SPTBN1: variants seen among roughly 807,000 people sequenced by gnomAD.
SPTBN1 encodes spectrin beta, non-erythrocytic 1.
SPTBN1 carries 32 observed loss-of-function variants against 266.4 expected under a neutral mutation model. The ratio of observed to expected loss-of-function variants is 0.12; its 90% CI spans 0.09 to 0.16. The LOEUF is 0.16. SPTBN1 is among the 10% of genes least tolerant of loss of function. The probability of loss-of-function intolerance (pLI) is 1.00; values close to 1 mark genes in which losing one functional copy is unlikely to be tolerated. For missense variants in SPTBN1, 2,296 were observed against 3,067.1 expected (o/e 0.75, Z 5.94); for synonymous variants, 1,336 against 1,162.2 (o/e 1.15, Z -3.04).
chr2:54,524,937 G>T (rs1393782569), intron 1 of SPTBN1, among the ~76,000 whole-genome samples: 2 of 139,080 alleles, frequency 1.4e-5, no homozygotes, highest in African/African-American at 2.7e-5. Context: ...ATAGTCACAT[G>T]ACTCTGCTGT....
intron 1 of SPTBN1, among the ~76,000 whole-genome samples, chr2:54,481,313 C>G (rs984025763): frequency 6.6e-6 from 1 of 152,024 alleles, no homozygotes; most frequent in African/African-American, 2.4e-5. Context: ...CTTTGGAACT[C>G]TATCAGCAGT....
intron 2 of SPTBN1, among the ~76,000 whole-genome samples, chr2:54,551,538 C>T (rs1573394179): frequency 6.6e-6 from 1 of 152,232 alleles, no homozygotes; most frequent in African/African-American, 2.4e-5. Flanking sequence ...ATTCATTCCC[C>T]AGGACCTTGG....
intron 32 of SPTBN1, chr2:54,663,303 T>C (rs979353775): frequency 6.6e-6 from 1 of 152,216 alleles, no homozygotes; most frequent in African/African-American, 2.4e-5. Flanking sequence ...GAGCGTGCCA[T>C]TGACTTCTCC....
chr2:54,512,503 AG>A (rs1031268542), intron 1 of SPTBN1, among the ~76,000 whole-genome samples: 2 of 152,226 alleles, frequency 1.3e-5, no homozygotes, highest in Non-Finnish European at 2.9e-5. Context: ...GGACCTATTT[AG>A]GATATTTTAC....
At chr2:54,642,521 A>C (rs1208018786) in intron 18 of SPTBN1, among the ~76,000 whole-genome samples, 10 of 130,758 alleles carry the variant, frequency 7.6e-5, no homozygotes, top group African/African-American at 2.9e-4. Flanking sequence ...GGAGGTAATA[A>C]ATAAGTAGTT....
At chr2:54,483,047 C>A (rs1668178710) in intron 1 of SPTBN1, among the ~76,000 whole-genome samples, 1 of 152,086 alleles carries the variant, frequency 6.6e-6, no homozygotes, top group South Asian at 2.1e-4. Context: ...GGAGGCCGGG[C>A]CAGGGAAGAG....
intron 1 of SPTBN1, among the ~76,000 whole-genome samples, chr2:54,462,267 G>A (rs1402074660): frequency 6.6e-6 from 1 of 152,172 alleles, no homozygotes; most frequent in African/African-American, 2.4e-5. Context: ...GGTATGCTTT[G>A]CAAAAACTAC....
chr2:54,588,510 A>C (rs1675448111), intron 2 of SPTBN1, among the ~76,000 whole-genome samples: 1 of 152,116 alleles, frequency 6.6e-6, no homozygotes, highest in Admixed American at 6.5e-5. Flanking sequence ...GTGGGCTCTA[A>C]TTCTGGGTGT....
At chr2:54,630,350 ACTT>A (rs1678649337) in intron 15 of SPTBN1, among the ~76,000 whole-genome samples, 2 of 152,168 alleles carry the variant, frequency 1.3e-5, no homozygotes, top group African/African-American at 4.8e-5. Context: ...TTTTATAGTA[ACTT>A]CAGGAACAGG....
chr2:54,583,760 G>A (rs965812755), intron 2 of SPTBN1, among the ~76,000 whole-genome samples: 3 of 152,174 alleles, frequency 2.0e-5, no homozygotes, highest in Non-Finnish European at 4.4e-5. Context: ...ATTGAAGGCA[G>A]CAGTACACAT....
chr2:54,558,479 A>T lies in SPTBN1; in HGVS notation c.148+31913A>T. ...CCATATTTAAAAGTTCTGAAGTAGA[A>T]CCTGCGCCTCCTCTCTGCTTCTCCC... is the stretch of plus-strand genomic sequence containing the variant. On this transcript the variant is annotated intron_variant, in intron 2 of 35. Transcript: ENST00000356805. The surrounding 1 kb of genome is among the most constrained non-coding windows in gnomAD (Gnocchi z 4.6). The T allele has an allele frequency of 8.9e-7, 1 of 1,122,294 alleles. No homozygotes were observed. Among genetic ancestry groups the T allele is most frequent in the East Asian group, 5.4e-5 (1 of 18,382 alleles). The allele number at this position is 1,122,294 out of a possible 1,614,324, so 69.5% of individuals were successfully genotyped here.
rs780080283 is a variant in SPTBN1 at position 54,647,224 on chromosome 2, A to T, written c.4960A>T (p.Thr1654Ser). ...YAETVHQLSK[T>S]SRALVADSHP... Reference sequence around the variant, plus strand: ...AGAGACCGTGCATCAGCTCTCCAAGACCAGCCGGGCCCTGGTGGCCGACAG... The same window carrying T: ...AGAGACCGTGCATCAGCTCTCCAAGTCCAGCCGGGCCCTGGTGGCCGACAG... Residue 1654 changes from threonine (T) to serine (S), a missense_variant, in exon 24 of 36, where the codon ACC (threonine) becomes TCC (serine). Thr to Ser is a moderately conservative substitution (Grantham distance 58, BLOSUM62 1). This residue lies in a region of SPTBN1 where 644 missense variants were observed against 745.3 expected (regional missense o/e 0.86). Coordinates refer to ENST00000356805, the MANE Select transcript of SPTBN1 (RefSeq NM_003128.3). 1.9e-6 allele frequency: 3 copies of T among 1,613,956 alleles called. No homozygotes were observed. The highest frequency in any genetic ancestry group is 2.5e-6 in the Non-Finnish European group (3 of 1,180,038).
chr2:54,589,328 C>T (rs972488171), intron 2 of SPTBN1, among the ~76,000 whole-genome samples: 5 of 152,290 alleles, frequency 3.3e-5, no homozygotes, highest in African/African-American at 1.2e-4. Flanking sequence ...AGCCTCATTT[C>T]TCAGTTATTG....
In SPTBN1 at chr2:54,604,442, G is replaced by A. The variant is rs1230222532; in HGVS notation, c.300+5199G>A. On this transcript the variant is annotated intron_variant, in intron 3 of 35. Transcript: ENST00000356805. ...ACTCCATAGTTCTGCAAATCCTGAT[G>A]CCTTGCAGAGTGTAAATGACCCAAA... Among the ~76,000 whole-genome samples the A allele has an allele frequency of 7.2e-5, 11 of 152,048 alleles. No individual in the cohort carries two copies. The East Asian group carries it at 2.1e-3, about 29-fold the overall frequency.
At chr2:54,531,312 G>C (rs1020331500) in intron 2 of SPTBN1, among the ~76,000 whole-genome samples, 1 of 152,180 alleles carries the variant, frequency 6.6e-6, no homozygotes, top group Non-Finnish European at 1.5e-5. Flanking sequence ...TCAGGTAGAG[G>C]TGTCAGAATT....
chr2:54,595,978 T>C (rs1388478816), intron 2 of SPTBN1, among the ~76,000 whole-genome samples: 1 of 147,912 alleles, frequency 6.8e-6, no homozygotes, highest in Non-Finnish European at 1.5e-5. Context: ...CAAACCAGTA[T>C]GGAGCTTGTA....
chr2:54,605,702 T>C (rs771015076), intron 3 of SPTBN1, among the ~76,000 whole-genome samples: 3 of 152,246 alleles, frequency 2.0e-5, no homozygotes, highest in Non-Finnish European at 2.9e-5. Flanking sequence ...AGAAGCCTAC[T>C]CTGAAGCAGA....
rs748736138 is a variant in SPTBN1 at position 54,668,451 on chromosome 2, C to T, written c.6977C>T (p.Ala2326Val). The T allele has an allele frequency of 3.3e-5, 53 of 1,614,078 alleles. No homozygotes were observed. Among genetic ancestry groups the T allele is most frequent in the Non-Finnish European group, 3.8e-5 (45 of 1,180,052 alleles). The change falls in exon 36 of 36, where the codon GCG (alanine) becomes GTG (valine). Residue 2326 changes from alanine to valine, a missense_variant. Ala to Val is a moderately conservative substitution (Grantham distance 64, BLOSUM62 0). Transcript: ENST00000356805. ...CAGAGCACGCCAGCATCCAGCCGCG[C>T]GCAGACCCTCCCCACCAGCGTCGTC... ...STQSTPASSRAQTLPTSVVTI... is the reference protein window; with the variant it reads ...STQSTPASSRVQTLPTSVVTI...
At chr2:54,623,741 G>C (rs1180784066) in intron 10 of SPTBN1, 145 bp downstream of exon 10, 1 of 656,280 alleles carries the variant, frequency 1.5e-6, no homozygotes, top group South Asian at 2.1e-5. Context: ...GTGCTCAGGT[G>C]TGGCAAAGGA....
Sources: gnomAD v4.1 joint callset for allele counts (sites outside exome capture counted in the v4.1 genomes callset) on GRCh38, gnomAD v4.1.1 for gene constraint, gnomAD v4.1.1 regional missense constraint, Gnocchi (gnomAD v3.1) non-coding constraint, MANE v1.5 for transcripts, NCBI Gene and HGNC (gene_info 2026-07-23, HGNC 2026-07-21) for gene names.